Variants in WHAMM observed in about 807,000 individuals in gnomAD.
WHAMM encodes the protein WASP homolog-associated protein with actin, membranes and microtubules.
In WHAMM, 67 loss-of-function variants were observed where a neutral mutation model predicts 76.5. The observed-to-expected ratio is 0.88, with a 90% CI of 0.72 to 1.07. The LOEUF is 1.07. Ranked by LOEUF, WHAMM falls within the 50% of genes least tolerant of loss-of-function variation. The pLI is 0.00. For synonymous variants in WHAMM, 419 were observed against 422.1 expected, an observed-to-expected ratio of 0.99 and a Z score of 0.09; for missense variants, 1,021 against 1,051.1, an observed-to-expected ratio of 0.97 and a Z score of 0.40.
At chr15:82,818,976 C>T (rs1480317373) in intron 4 of WHAMM, among the ~76,000 whole-genome samples, 1 of 152,204 alleles carries the variant, frequency 6.6e-6, no homozygotes, top group Non-Finnish European at 1.5e-5. Flanking sequence ...GGGTGCTATC[C>T]TTTTGACATA....
intron 5 of WHAMM, among the ~76,000 whole-genome samples, chr15:82,822,748 T>C (rs2050850737): frequency 6.6e-6 from 1 of 152,174 alleles, no homozygotes; most frequent in Admixed American, 6.5e-5. Context: ...TAAAAATGTA[T>C]TTCCATCCCA....
intron 2 of WHAMM, among the ~76,000 whole-genome samples, chr15:82,815,116 T>TAC (rs1339525131): frequency 1.6e-3 from 18 of 11,578 alleles, no homozygotes; most frequent in Non-Finnish European, 2.5e-3. Context: ...AGATTTTATA[T>TAC]ATATATATAT....
intron 8 of WHAMM, among the ~76,000 whole-genome samples, chr15:82,829,349 A>T (rs1485438367): frequency 3.9e-5 from 6 of 152,246 alleles, no homozygotes; most frequent in Non-Finnish European, 8.8e-5. Flanking sequence ...AGTCACAGTG[A>T]CATGCTGCAG....
Position 82,830,620 on chromosome 15 carries a change from C to G in WHAMM, c.1663C>G (p.Arg555Gly). 6.2e-7 allele frequency: 1 copy of G among 1,613,230 alleles called. No individual in the cohort carries two copies. Among genetic ancestry groups the G allele is most frequent in the South Asian group, 1.1e-5 (1 of 91,048 alleles). Residue 555 changes from arginine to glycine, a missense_variant, in exon 9 of 10, where the codon CGA becomes GGA. Transcript: ENST00000286760. ...FKDKRLAQSV[R>G]NTSGSEPVAP... ...TCAGAAACGCCTAGCTCAATCTGTC[C>G]GAAACACCTCTGGCTCAGAACCTGT...
At chr15:82,824,895 G>A (rs901760450) in intron 6 of WHAMM, among the ~76,000 whole-genome samples, 4 of 152,186 alleles carry the variant, frequency 2.6e-5, no homozygotes, top group African/African-American at 9.7e-5. Context: ...CATGGCTTAT[G>A]CCTGTAATCC....
chr15:82,819,521 A>C, intron 5 of WHAMM, 33 bp downstream of exon 5: 1 of 1,077,048 alleles, frequency 9.3e-7, no homozygotes, highest in South Asian at 1.9e-5. Flanking sequence ...GCAATGTTTA[A>C]ATTATAAATT....
At chr15:82,817,319 A>G (rs1429382498) in intron 3 of WHAMM, among the ~76,000 whole-genome samples, 2 of 152,220 alleles carry the variant, frequency 1.3e-5, no homozygotes, top group Non-Finnish European at 2.9e-5. Flanking sequence ...AGTGCAGGAC[A>G]GTGTGGTATG....
chr15:82,817,882 A>G, intron 3 of WHAMM, 38 bp from the exon 4 acceptor site: 1 of 1,423,842 alleles, frequency 7.0e-7, no homozygotes, highest in Non-Finnish European at 9.3e-7. Context: ...TCCCTTTTTA[A>G]TGAGGTGTAA....
chr15:82,810,019 G>T lies in WHAMM; in HGVS notation c.293G>T (p.Trp98Leu). 1 of 1,256,836 alleles carries T rather than the reference G, an allele frequency of 8.0e-7. No homozygotes were observed. 77.9% of individuals were successfully genotyped at this position (1,256,836 alleles called of 1,614,324 possible). A position where few individuals can be genotyped will look rare whatever the true frequency, so the allele number is the denominator to read the frequency against. ...RGAHRQLAALWPPLERCFPRL... is the reference protein window; with the variant it reads ...RGAHRQLAALLPPLERCFPRL... ...GCGCACCGGCAGTTGGCGGCGCTGT[G>T]GCCGCCTCTGGAGCGCTGCTTCCCG... Residue 98 changes from tryptophan to leucine, a missense_variant, in exon 1 of 10, where the codon TGG (tryptophan) becomes TTG (leucine). By Grantham distance (61) the Trp-to-Leu change is moderately conservative. This residue lies in a region of WHAMM where 501 missense variants were observed against 524.9 expected (regional missense o/e 0.95). Coordinates refer to ENST00000286760, the MANE Select transcript of WHAMM (RefSeq NM_001080435.3).
chr15:82,816,357 T>G (rs1193185496), intron 2 of WHAMM, among the ~76,000 whole-genome samples: 1 of 152,340 alleles, frequency 6.6e-6, no homozygotes, highest in South Asian at 2.1e-4. Flanking sequence ...GCTGAGTGCT[T>G]GACAACACAG....
chr15:82,822,898 T>C (rs1435027220), intron 5 of WHAMM, among the ~76,000 whole-genome samples: 3 of 148,022 alleles, frequency 2.0e-5, no homozygotes, highest in South Asian at 2.1e-4. Context: ...TATACACACA[T>C]GCTACTTACA....
At chr15:82,827,857 A>G (rs1332759133) in intron 8 of WHAMM, among the ~76,000 whole-genome samples, 1 of 152,164 alleles carries the variant, frequency 6.6e-6, no homozygotes, top group Non-Finnish European at 1.5e-5. Context: ...AGGCACAAGA[A>G]TCACTTGAGC....
Position 82,810,119 on chromosome 15 carries a change from G to C in WHAMM, c.393G>C (p.Trp131Cys), listed in dbSNP as rs957929021. ...GLGLGLWALL[W>C]PTRAGPGEAA... ...GGCTCGGGCTGTGGGCGCTGCTGTG[G>C]CCGACGCGCGCGGGTCCCGGCGAGG... Residue 131 changes from tryptophan (W) to cysteine (C), a missense_variant, in exon 1 of 10, where the codon TGG (tryptophan) becomes TGC (cysteine). Trp to Cys is a radical substitution (Grantham distance 215). This residue lies in a region of WHAMM where 501 missense variants were observed against 524.9 expected (regional missense o/e 0.95). Transcript: ENST00000286760. 1.4e-5 allele frequency: 19 copies of C among 1,344,092 alleles called. No homozygotes were observed. Among genetic ancestry groups the C allele is most frequent in the Non-Finnish European group, 1.6e-5 (17 of 1,041,186 alleles). 83.3% of individuals were successfully genotyped at this position (1,344,092 alleles called of 1,614,324 possible). A position where few individuals can be genotyped will look rare whatever the true frequency, so the allele number is the denominator to read the frequency against.
In WHAMM at chr15:82,831,074, G is replaced by A. The variant is rs780491539; in HGVS notation, c.2117G>A (p.Cys706Tyr). The A allele has an allele frequency of 6.9e-6, 11 of 1,604,784 alleles. No individual in the cohort carries two copies. The highest frequency in any genetic ancestry group is 8.5e-6 in the Non-Finnish European group (10 of 1,179,386). The stretch of plus-strand genomic sequence containing the variant: ...CGTGACTCCTTGGAAAGTTTTTCAT[G>A]TCCAGGTAATCCACTGGAATTCTGT... ...RPRDSLESFSCPGSMDEVLAS... is the reference protein window; with the variant it reads ...RPRDSLESFSYPGSMDEVLAS... Residue 706 changes from cysteine (C) to tyrosine (Y), a missense_variant, in exon 9 of 10, where the codon TGT (cysteine) becomes TAT (tyrosine). This residue lies in a region of WHAMM where 509 missense variants were observed against 492.3 expected (regional missense o/e 1.03). Transcript: ENST00000286760.
Position 82,819,321 on chromosome 15 carries a change from A to C in WHAMM, c.1105-2A>C. 1 of 1,060,922 alleles carries C rather than the reference A, an allele frequency of 9.4e-7. No individual in the cohort carries two copies. Among genetic ancestry groups the C allele is most frequent in the South Asian group, 2.0e-5 (1 of 48,996 alleles). 65.7% of individuals were successfully genotyped at this position (1,060,922 alleles called of 1,614,324 possible). A position where few individuals can be genotyped will look rare whatever the true frequency, so the allele number is the denominator to read the frequency against. On this transcript the variant is annotated splice_acceptor_variant, in intron 4 of 9. Coordinates refer to ENST00000286760, the MANE Select transcript of WHAMM (RefSeq NM_001080435.3). LOFTEE classifies it high-confidence loss of function. The stretch of plus-strand genomic sequence containing the variant: ...TATTTTTCTTTTTTCTATGAAAATA[A>C]GATGGAAGATCTTCCAGAACAAGAA...
intron 5 of WHAMM, among the ~76,000 whole-genome samples, chr15:82,820,630 C>A (rs2050803715): frequency 6.6e-6 from 1 of 152,096 alleles, no homozygotes; most frequent in South Asian, 2.1e-4. Flanking sequence ...TGTGGTGGCT[C>A]ACACCTGTAA....
intron 1 of WHAMM, 134 bp downstream of exon 1, chr15:82,810,469 C>T (rs1416110221): frequency 4.7e-5 from 58 of 1,223,792 alleles, no homozygotes; most frequent in South Asian, 1.7e-4. Flanking sequence ...GCCGCGGGCT[C>T]CCCAGTGCCG....
intron 1 of WHAMM, chr15:82,810,682 A>G (rs2050613917): frequency 3.0e-6 from 3 of 985,368 alleles, no homozygotes; most frequent in African/African-American, 1.7e-5. Flanking sequence ...CAACCCATCC[A>G]TGTAGGAAAG....
At chr15:82,819,235 G>A (rs2050778752) in intron 4 of WHAMM, 88 bp from the exon 5 acceptor site, 1 of 501,506 alleles carries the variant, frequency 2.0e-6, no homozygotes, top group Admixed American at 4.8e-5. Context: ...ACTGAACAAG[G>A]AATAGAAAAT....
Sources: gnomAD v4.1 joint callset for allele counts (sites outside exome capture counted in the v4.1 genomes callset) on GRCh38, gnomAD v4.1.1 for gene constraint, gnomAD v4.1.1 regional missense constraint, MANE v1.5 for transcripts, NCBI Gene and HGNC (gene_info 2026-07-23, HGNC 2026-07-21) for gene names.